AGMO: variants seen among roughly 807,000 people sequenced by gnomAD.
AGMO encodes the protein glyceryl-ether monooxygenase.
In AGMO, 75 loss-of-function variants were observed where a neutral mutation model predicts 60.2. That is an observed-to-expected ratio of 1.25 (90% CI 1.03 to 1.51). AGMO has a LOEUF of 1.51. AGMO is among the 40% of genes most tolerant of loss of function. The pLI is 0.00. For synonymous variants in AGMO, 261 were observed against 177.1 expected (o/e 1.47, Z -3.76); for missense variants, 763 against 525.5 (o/e 1.45, Z -4.42).
chr7:15,229,077 C>G (rs1304452432), intron 12 of AGMO, among the ~76,000 whole-genome samples: 1 of 152,072 alleles, frequency 6.6e-6, no homozygotes, highest in Non-Finnish European at 1.5e-5. Flanking sequence ...TTCCATATGG[C>G]TGCCTACACT....
At chr7:15,124,939 G>T in the AGMO span, among the ~76,000 whole-genome samples, 1 of 151,988 alleles carries the variant, frequency 6.6e-6, no homozygotes, top group Admixed American at 6.6e-5. Context: ...AACATAGAGG[G>T]GGGACACAGA....
intron 3 of AGMO, among the ~76,000 whole-genome samples, chr7:15,444,583 G>A (rs1017906958): frequency 6.6e-6 from 1 of 152,096 alleles, no homozygotes; most frequent in Admixed American, 6.5e-5. Flanking sequence ...TTTTCCTTTG[G>A]CTTGAGTAAC....
chr7:15,352,083 C>G (rs1454825890), intron 12 of AGMO, among the ~76,000 whole-genome samples: 24 of 152,152 alleles, frequency 1.6e-4, no homozygotes, highest in Admixed American at 1.6e-3. Context: ...GAAGAAATAA[C>G]AAATGCTCTT....
chr7:15,214,594 T>C (rs558096939), intron 12 of AGMO, among the ~76,000 whole-genome samples: 1 of 152,014 alleles, frequency 6.6e-6, no homozygotes, highest in Non-Finnish European at 1.5e-5. Flanking sequence ...AAACCAATCC[T>C]ACCTTTGGGT....
chr7:15,309,212 C>T (rs937805838), intron 12 of AGMO, among the ~76,000 whole-genome samples: 45 of 152,068 alleles, frequency 3.0e-4, no homozygotes, highest in Admixed American at 3.3e-4. Context: ...TACAGGCACA[C>T]GTAATGAAGA....
chr7:15,459,951 T>C (rs1374054083), intron 3 of AGMO, among the ~76,000 whole-genome samples: 4 of 152,086 alleles, frequency 2.6e-5, no homozygotes, highest in African/African-American at 7.2e-5. Context: ...TTATCATTCA[T>C]TGATAATTCA....
chr7:15,398,734 G>A (rs972236975), intron 5 of AGMO, among the ~76,000 whole-genome samples: 2 of 151,952 alleles, frequency 1.3e-5, no homozygotes, highest in Non-Finnish European at 2.9e-5. Context: ...ACATAGATGG[G>A]TTTATTTAAA....
chr7:15,332,184 T>C (rs943976566), intron 12 of AGMO, among the ~76,000 whole-genome samples: 1 of 152,126 alleles, frequency 6.6e-6, no homozygotes, highest in African/African-American at 2.4e-5. Context: ...AAGCCAGTAA[T>C]ACTCTGGAGT....
At chr7:15,152,055 A>G in the AGMO span, among the ~76,000 whole-genome samples, 2 of 152,106 alleles carry the variant, frequency 1.3e-5, no homozygotes, top group African/African-American at 4.8e-5. Context: ...TTCTCTAATG[A>G]ATTTGGGTGC....
rs1784773795 is a variant in AGMO, at chr7:15,409,025, T to C, written c.609+9533A>G. On this transcript the variant is annotated intron_variant, in intron 5 of 12. Transcript: ENST00000342526. ...GATGAATTTGAGAAATGGAAAACGG[T>C]CCAGTATTATTGAGCTGCACAGTAT... is the stretch of plus-strand genomic sequence containing the variant. Among the ~76,000 whole-genome samples the C allele has an allele frequency of 2.0e-5, 3 of 151,660 alleles. No individual in the cohort carries two copies. In the South Asian group the frequency reaches 6.2e-4, roughly 31 times the overall value.
rs894631040 is a variant in AGMO, at chr7:15,201,041, A to G, written c.*244T>C. 3.0e-6 allele frequency: 1 copy of G among 328,464 alleles called. No homozygotes were observed. The highest frequency in any genetic ancestry group is 5.5e-6 in the Non-Finnish European group (1 of 182,522). 20.3% of individuals were successfully genotyped at this position (328,464 alleles called of 1,614,324 possible). ...TTGTCATATAAGGCTATCAGTTAAT[A>G]TAACATCATTATATTTGAAATCTTT... On this transcript the variant is annotated 3_prime_UTR_variant, in exon 13 of 13. Transcript: ENST00000342526.
At chr7:15,189,999 C>T in the AGMO span, among the ~76,000 whole-genome samples, 2 of 150,042 alleles carry the variant, frequency 1.3e-5, no homozygotes, top group Admixed American at 6.6e-5. Flanking sequence ...AGGAGCTACC[C>T]ATATCCATAT....
chr7:15,236,232 T>G (rs962788617), intron 12 of AGMO, among the ~76,000 whole-genome samples: 1 of 152,138 alleles, frequency 6.6e-6, no homozygotes, highest in Non-Finnish European at 1.5e-5. Context: ...TTTGGGGTGG[T>G]TGAATAATAC....
At position 15,201,161 on chromosome 7, in the gene AGMO, A is replaced by T. The variant is rs1781268653; in HGVS notation, c.*124T>A. On this transcript the variant is annotated 3_prime_UTR_variant, in exon 13 of 13. Coordinates refer to ENST00000342526, the MANE Select transcript of AGMO (RefSeq NM_001004320.2). ...AAAGGCAAACAATAGTAAATAAGTA[A>T]TTTTACTTTTCATTGAAGAAATAGT... The T allele has an allele frequency of 1.7e-6, 1 of 574,280 alleles. No homozygotes were observed. The highest frequency in any genetic ancestry group is 5.0e-4 in the Middle Eastern group (1 of 1,994). 35.6% of individuals were successfully genotyped at this position (574,280 alleles called of 1,614,324 possible). A position where few individuals can be genotyped will look rare whatever the true frequency, so the allele number is the denominator to read the frequency against.
intron 3 of AGMO, among the ~76,000 whole-genome samples, chr7:15,520,601 G>A (rs1562549655): frequency 6.6e-6 from 1 of 152,100 alleles, no homozygotes; most frequent in South Asian, 2.1e-4. Context: ...CATGACTACT[G>A]GGTAAATAAT....
the AGMO span, among the ~76,000 whole-genome samples, chr7:15,127,857 C>CT: frequency 2.0e-5 from 3 of 151,954 alleles, no homozygotes; most frequent in South Asian, 2.1e-4. Flanking sequence ...GTAAAAATAG[C>CT]TTTTTTTAGA....
chr7:15,379,772 G>A (rs952136043), intron 10 of AGMO, among the ~76,000 whole-genome samples: 1 of 151,960 alleles, frequency 6.6e-6, no homozygotes, highest in Non-Finnish European at 1.5e-5. Context: ...ATAAAATACT[G>A]GCAAACCAAA....
chr7:15,303,340 G>A (rs903568661), intron 12 of AGMO, among the ~76,000 whole-genome samples: 2 of 151,922 alleles, frequency 1.3e-5, no homozygotes, highest in Non-Finnish European at 2.9e-5. Flanking sequence ...GATACATTAG[G>A]TAAAAATAAA....
intron 12 of AGMO, among the ~76,000 whole-genome samples, chr7:15,350,305 TA>T (rs1268805304): frequency 7.2e-5 from 11 of 152,298 alleles, no homozygotes; most frequent in Non-Finnish European, 1.3e-4. Flanking sequence ...TGAGTTTTGG[TA>T]AATATTCAGC....
Sources: allele counts gnomAD v4.1 joint callset (sites outside exome capture counted in the v4.1 genomes callset), GRCh38; gene constraint gnomAD v4.1.1; transcripts MANE v1.5; gene names NCBI Gene and HGNC (gene_info 2026-07-23, HGNC 2026-07-21).